The following SLC35F3 variants were observed in gnomAD, a reference collection of about 807,000 sequenced individuals.
SLC35F3 encodes the protein solute carrier family 35 member F3, also known as putative thiamine transporter SLC35F3.
In SLC35F3, 25 loss-of-function variants were observed where a neutral mutation model predicts 49.9. The ratio of observed to expected loss-of-function variants is 0.50; its 90% CI spans 0.37 to 0.70. The LOEUF (loss-of-function observed/expected upper bound fraction) is 0.70. Ranked by LOEUF, SLC35F3 falls within the 30% of genes least tolerant of loss-of-function variation. SLC35F3 has a pLI of 0.00. For synonymous variants in SLC35F3, 275 were observed against 265.4 expected (o/e 1.04, Z -0.35); for missense variants, 525 against 639.8 (o/e 0.82, Z 1.94).
chr1:233,974,644 C>T (rs1339597260), intron 2 of SLC35F3, among the ~76,000 whole-genome samples: 1 of 152,130 alleles, frequency 6.6e-6, no homozygotes, highest in Non-Finnish European at 1.5e-5. Flanking sequence ...TCTTTGTTCT[C>T]ATCAACTCTT....
chr1:234,147,940 A>G (rs1040763063), intron 2 of SLC35F3, among the ~76,000 whole-genome samples: 1 of 152,240 alleles, frequency 6.6e-6, no homozygotes, highest in South Asian at 2.1e-4. Context: ...TCTTGGGACC[A>G]CATTTTGAGA....
chr1:234,089,300 G>T (rs968261566), intron 2 of SLC35F3, among the ~76,000 whole-genome samples: 1 of 152,190 alleles, frequency 6.6e-6, no homozygotes, highest in Non-Finnish European at 1.5e-5. Context: ...TGGGCTGTGA[G>T]GATTGTGAGG....
In SLC35F3 at chr1:234,187,453, C is replaced by G. The variant is rs118035309; in HGVS notation, c.284-43964C>G. On this transcript the variant is annotated intron_variant, in intron 2 of 7. Coordinates refer to ENST00000366618, the MANE Select transcript of SLC35F3 (RefSeq NM_173508.4). ...CACTCGGATGGATAGAGCAGCATGT[C>G]GGGAGTCACATTGTGAACTTCTGCT... 6.1e-3 allele frequency among the ~76,000 whole-genome samples: 924 copies of G among 152,238 alleles called. 7 individuals are homozygous for G. Among genetic ancestry groups the G allele is most frequent in the South Asian group, 0.03 (145 of 4,816 alleles).
chr1:234,100,382 G>A (rs977640338), intron 2 of SLC35F3, among the ~76,000 whole-genome samples: 4 of 152,126 alleles, frequency 2.6e-5, no homozygotes, highest in Non-Finnish European at 4.4e-5. Context: ...CTATATCGAC[G>A]TCTTTTAATG....
chr1:233,997,167 C>T (rs1243319260), intron 2 of SLC35F3, among the ~76,000 whole-genome samples: 2 of 152,144 alleles, frequency 1.3e-5, no homozygotes, highest in Non-Finnish European at 1.5e-5. Flanking sequence ...TGAACACTCG[C>T]GTTGCTTCCA....
intron 3 of SLC35F3, among the ~76,000 whole-genome samples, chr1:234,249,915 G>A (rs1354752341): frequency 6.6e-6 from 1 of 152,174 alleles, no homozygotes; most frequent in Non-Finnish European, 1.5e-5. Context: ...TTTGTGGAAT[G>A]TATAGTTTTT....
At chr1:234,121,898 C>G (rs939776202) in intron 2 of SLC35F3, among the ~76,000 whole-genome samples, 2 of 152,144 alleles carry the variant, frequency 1.3e-5, no homozygotes, top group Admixed American at 6.5e-5. Flanking sequence ...TGAACTCATC[C>G]TTTTTTATGG....
chr1:233,938,790 G>A (rs1230173295), intron 2 of SLC35F3, among the ~76,000 whole-genome samples: 1 of 152,070 alleles, frequency 6.6e-6, no homozygotes, highest in Admixed American at 6.6e-5. Context: ...ACTAGTCTAG[G>A]GAACTGAATG....
chr1:234,297,508 A>T (rs1314066519), intron 3 of SLC35F3, among the ~76,000 whole-genome samples: 1 of 152,246 alleles, frequency 6.6e-6, no homozygotes, highest in Non-Finnish European at 1.5e-5. Flanking sequence ...CTTAGAGGAC[A>T]TTATGCTAAG....
intron 2 of SLC35F3, among the ~76,000 whole-genome samples, chr1:234,118,511 G>C (rs571205911): frequency 6.6e-6 from 1 of 152,302 alleles, no homozygotes; most frequent in South Asian, 2.1e-4. Flanking sequence ...GTTTTAGAGG[G>C]TTGTAGAAGA....
chr1:234,133,830 G>T (rs932289125), intron 2 of SLC35F3, among the ~76,000 whole-genome samples: 1 of 152,150 alleles, frequency 6.6e-6, no homozygotes, highest in Admixed American at 6.5e-5. Context: ...TATGAATCCA[G>T]AAATCATTCA....
chr1:234,161,749 C>T (rs750804260), intron 2 of SLC35F3, among the ~76,000 whole-genome samples: 12 of 152,184 alleles, frequency 7.9e-5, no homozygotes, highest in South Asian at 2.1e-4. Context: ...GAAGCTGCAG[C>T]GAGCTGTGAT....
rs935177610 is a variant in SLC35F3, at chr1:234,063,876, A to C, written c.283+158118A>C. The stretch of plus-strand genomic sequence containing the variant: ...TCACCTAGAACTTGGCCTCATCAAC[A>C]GGTAGCTAGGAACGATCTGAGACCT... On this transcript the variant is annotated intron_variant, in intron 2 of 7. Coordinates refer to ENST00000366618, the MANE Select transcript of SLC35F3 (RefSeq NM_173508.4). Among the ~76,000 whole-genome samples, 3 of 152,352 alleles carry C rather than the reference A, an allele frequency of 2.0e-5. No homozygotes were observed. The East Asian group carries it at 5.8e-4, about 29-fold the overall frequency.
At chr1:234,271,153 G>A (rs1196444580) in intron 3 of SLC35F3, among the ~76,000 whole-genome samples, 1 of 152,154 alleles carries the variant, frequency 6.6e-6, no homozygotes, top group African/African-American at 2.4e-5. Context: ...ATAGTCAGAG[G>A]CCAGCTATAA....
intron 2 of SLC35F3, among the ~76,000 whole-genome samples, chr1:233,975,126 T>TCAGGC (rs111950359): frequency 0.05 from 7,596 of 152,330 alleles, 357 homozygotes; most frequent in East Asian, 0.23. Flanking sequence ...AGTCAGGAAG[T>TCAGGC]CAGGCCTGCG....
chr1:233,986,152 G>A (rs556295798), intron 2 of SLC35F3, among the ~76,000 whole-genome samples: 23 of 152,144 alleles, frequency 1.5e-4, no homozygotes, highest in Non-Finnish European at 2.9e-4. Flanking sequence ...CAATATATAT[G>A]CAGTAATGTT....
intron 2 of SLC35F3, among the ~76,000 whole-genome samples, chr1:233,941,372 A>T (rs1424451652): frequency 6.6e-6 from 1 of 152,188 alleles, no homozygotes; most frequent in Non-Finnish European, 1.5e-5. Flanking sequence ...GCAGTAAGGG[A>T]TATGTCTTTA....
rs560674686 is a variant in SLC35F3 at position 234,242,436 on chromosome 1, T to C, written c.608+10695T>C. Reference sequence around the variant, plus strand: ...TCCAGCTGTGAGTGGGTTCACTGTGTCTTTCAGCTGGTGAACTTGTTCTCG... The same window carrying C: ...TCCAGCTGTGAGTGGGTTCACTGTGCCTTTCAGCTGGTGAACTTGTTCTCG... On this transcript the variant is annotated intron_variant, in intron 3 of 7. Coordinates refer to ENST00000366618, the MANE Select transcript of SLC35F3 (RefSeq NM_173508.4). 2.6e-5 allele frequency among the ~76,000 whole-genome samples: 4 copies of C among 152,370 alleles called. No individual in the cohort carries two copies. In the South Asian group the frequency reaches 8.3e-4, roughly 32 times the overall value.
At chr1:234,195,889 TTCTC>T in intron 2 of SLC35F3, among the ~76,000 whole-genome samples, 1 of 152,282 alleles carries the variant, frequency 6.6e-6, no homozygotes, top group South Asian at 2.1e-4. Context: ...CTGGCTTTCA[TTCTC>T]TCTCTTGTCT....
Sources: gnomAD v4.1 joint callset for allele counts (sites outside exome capture counted in the v4.1 genomes callset) on GRCh38, gnomAD v4.1.1 for gene constraint, MANE v1.5 for transcripts, NCBI Gene and HGNC (gene_info 2026-07-23, HGNC 2026-07-21) for gene names.